SERPINB10: variants seen among roughly 807,000 people sequenced by gnomAD.
SERPINB10 encodes serpin B10.
SERPINB10 carries 35 observed loss-of-function variants against 39.1 expected under a neutral mutation model. The observed-to-expected ratio is 0.90, with a 90% CI of 0.68 to 1.19. SERPINB10 has a LOEUF of 1.19. Ranked by LOEUF, SERPINB10 falls within the 50% of genes most tolerant of loss-of-function variation. The pLI, the probability that SERPINB10 is intolerant of heterozygous loss-of-function variation, is 0.00. For synonymous variants in SERPINB10, 190 were observed against 158.1 expected (o/e 1.20, Z -1.52); for missense variants, 546 against 460.5 (o/e 1.19, Z -1.70).
rs748337195 is a variant in SERPINB10 at position 63,919,879 on chromosome 18, A to G, written c.464A>G (p.Asn155Ser). The G allele has an allele frequency of 1.9e-6, 3 of 1,609,650 alleles. No homozygotes were observed. In the South Asian group the frequency reaches 3.3e-5, roughly 18 times the overall value. ...EASDQIRKDI[N>S]SWVERQTEGK... The stretch of plus-strand genomic sequence containing the variant: ...TCTGATCAAATCAGAAAGGACATCA[A>G]CTCTTGGGTTGAAAGACAGACCGAG... The change falls in exon 5 of 8, where the codon AAC becomes AGC. Residue 155 changes from asparagine to serine, a missense_variant. Physicochemically the swap from Asn to Ser is conservative, Grantham distance 46. Transcript: ENST00000238508.
At chr18:63,929,634 A>C (rs1008696200) in intron 5 of SERPINB10, among the ~76,000 whole-genome samples, 1 of 151,268 alleles carries the variant, frequency 6.6e-6, no homozygotes, top group Non-Finnish European at 1.5e-5. Context: ...AAGTTGTCCA[A>C]CCTAAATCAG....
rs754955613 is a variant in SERPINB10 at position 63,915,583 on chromosome 18, G to A, written c.73G>A (p.Gly25Ser). ...LSKKLAESAQ[G>S]KNIFFSSWSI... The stretch of plus-strand genomic sequence containing the variant: ...CAAAAAGCTAGCTGAATCTGCTCAG[G>A]GTAAAAATATCTTCTTTTCTTCCTG... The change falls in exon 2 of 8, where the codon GGT (glycine) becomes AGT (serine). Residue 25 changes from glycine (G) to serine (S), a missense_variant. Gly to Ser is a moderately conservative substitution (Grantham distance 56, BLOSUM62 0). Coordinates refer to ENST00000238508, the MANE Select transcript of SERPINB10 (RefSeq NM_005024.3). 45 of 1,612,594 alleles carry A rather than the reference G, an allele frequency of 2.8e-5. No individual in the cohort carries two copies. Among genetic ancestry groups the A allele is most frequent in the Non-Finnish European group, 3.2e-5 (38 of 1,179,224 alleles).
At chr18:63,917,045 G>GA (rs72489788) in intron 2 of SERPINB10, among the ~76,000 whole-genome samples, 39,344 of 151,282 alleles carry the variant, frequency 0.26, 5,754 homozygotes, top group African/African-American at 0.39. Context: ...CATTTAACTA[G>GA]AAAAAAAACA....
chr18:63,919,602 T>C (rs368739875), intron 4 of SERPINB10, among the ~76,000 whole-genome samples, 186 bp from the exon 5 acceptor site: 7 of 152,054 alleles, frequency 4.6e-5, no homozygotes, highest in African/African-American at 1.7e-4. Flanking sequence ...GCCAGTGCCC[T>C]GCTAAGTTTG....
intron 6 of SERPINB10, among the ~76,000 whole-genome samples, chr18:63,932,704 T>C (rs2050231833): frequency 1.3e-5 from 2 of 152,348 alleles, no homozygotes; most frequent in South Asian, 4.1e-4. Context: ...AAATACTTTC[T>C]CAAATATTTT....
intron 5 of SERPINB10, among the ~76,000 whole-genome samples, chr18:63,921,631 A>C (rs915968534): frequency 2.6e-5 from 4 of 151,852 alleles, no homozygotes; most frequent in African/African-American, 7.3e-5. Context: ...CACCCAAATT[A>C]CCTGCCTAGA....
rs762054894 is a variant in SERPINB10 at position 63,917,916 on chromosome 18, C to T, written c.235-49C>T. The stretch of plus-strand genomic sequence containing the variant: ...TTTAGCTTTAGTTTGCTAACATGTA[C>T]GTAACTCTTGTTCAACATTTTATTT... On this transcript the variant is annotated intron_variant, in intron 3 of 7. Transcript: ENST00000238508. 2.7e-5 allele frequency: 42 copies of T among 1,556,890 alleles called. No individual in the cohort carries two copies. The South Asian group carries it at 3.1e-4, about 12-fold the overall frequency.
intron 4 of SERPINB10, among the ~76,000 whole-genome samples, chr18:63,919,219 G>A (rs2050127934): frequency 6.7e-6 from 1 of 148,450 alleles, no homozygotes; most frequent in African/African-American, 2.6e-5. Flanking sequence ...AGAGGACCAG[G>A]AGGAGGTGAA....
intron 7 of SERPINB10, 106 bp downstream of exon 7, chr18:63,933,309 C>A (rs1025937101): frequency 8.0e-7 from 1 of 1,248,614 alleles, no homozygotes; most frequent in East Asian, 2.3e-5. Flanking sequence ...GAATGTTCTC[C>A]CTATTATTTA....
rs1489622046 is a variant in SERPINB10, at chr18:63,935,025, CT to C, written c.979del (p.Ser327GlnfsTer18). 1 of 1,614,100 alleles carries C rather than the reference CT, an allele frequency of 6.2e-7. No individual in the cohort carries two copies. The highest frequency in any genetic ancestry group is 8.5e-7 in the Non-Finnish European group (1 of 1,180,040). On this transcript the variant is annotated frameshift_variant, in exon 8 of 8. Transcript: ENST00000238508. LOFTEE classifies it high-confidence loss of function. Reference sequence around the variant, plus strand: ...AGCAAAGCTGATTTCTCAGGAATGTCTTCAGCAAGAAACCTATTTTTGTCCA... The same window carrying C: ...AGCAAAGCTGATTTCTCAGGAATGTCTCAGCAAGAAACCTATTTTTGTCCA... The part of the protein sequence containing the change: ...SQSKADFSGM[S>X]SARNLFLSNV...
At chr18:63,909,665 C>T (rs543133711) in intron 1 of SERPINB10, among the ~76,000 whole-genome samples, 3 of 152,010 alleles carry the variant, frequency 2.0e-5, no homozygotes, top group African/African-American at 4.8e-5. Flanking sequence ...AAACCCCAGC[C>T]TCTGAAATGG....
chr18:63,929,709 G>A (rs1187268077), intron 5 of SERPINB10, among the ~76,000 whole-genome samples: 1 of 73,524 alleles, frequency 1.4e-5, no homozygotes, highest in African/African-American at 6.0e-5. Context: ...TTTAGCTAAA[G>A]TGCAAAAAAA....
Position 63,934,728 on chromosome 18 carries a change from C to T in SERPINB10, c.790-110C>T, listed in dbSNP as rs141743052. 49 of 1,093,704 alleles carry T rather than the reference C, an allele frequency of 4.5e-5. No individual in the cohort carries two copies. In the East Asian group the frequency reaches 6.9e-4, roughly 15 times the overall value. The allele number at this position is 1,093,704 out of a possible 1,614,324, so 67.7% of individuals were successfully genotyped here. On this transcript the variant is annotated intron_variant, in intron 7 of 7. Transcript: ENST00000238508. ...GTGTGTGTGTTGTCACCCTGAGTAA[C>T]GGGAGTGATCATAATTCACCTATGT...
chr18:63,910,677 G>C (rs2050057920), intron 1 of SERPINB10, among the ~76,000 whole-genome samples: 1 of 151,832 alleles, frequency 6.6e-6, no homozygotes. Flanking sequence ...TATGTACCAG[G>C]TATTCCTTAT....
At chr18:63,928,845 C>T (rs62097498) in intron 5 of SERPINB10, among the ~76,000 whole-genome samples, 17 of 111,890 alleles carry the variant, frequency 1.5e-4, no homozygotes, top group East Asian at 5.4e-4. Context: ...GGCTCTCTGT[C>T]TGTTGTTGGT....
chr18:63,925,323 C>T (rs1395413753), intron 5 of SERPINB10, among the ~76,000 whole-genome samples: 1 of 151,922 alleles, frequency 6.6e-6, no homozygotes, highest in Non-Finnish European at 1.5e-5. Context: ...GCAATGACAT[C>T]CCAATAGTAA....
intron 7 of SERPINB10, among the ~76,000 whole-genome samples, chr18:63,934,507 T>C (rs1401301814): frequency 6.6e-6 from 1 of 152,192 alleles, no homozygotes. Context: ...TGAACTAGAG[T>C]ATATGCTTTT....
At chr18:63,914,021 C>A (rs1259418663) in intron 1 of SERPINB10, among the ~76,000 whole-genome samples, 1 of 151,864 alleles carries the variant, frequency 6.6e-6, no homozygotes, top group African/African-American at 2.4e-5. Flanking sequence ...TATATAATAC[C>A]CTTCTTTGTC....
intron 7 of SERPINB10, among the ~76,000 whole-genome samples, chr18:63,934,016 T>C (rs2050242985): frequency 6.6e-6 from 1 of 152,146 alleles, no homozygotes; most frequent in Admixed American, 6.5e-5. Flanking sequence ...CAAATAACCA[T>C]CAGAGTCAAG....
Sources: gnomAD v4.1 joint callset for allele counts (sites outside exome capture counted in the v4.1 genomes callset) on GRCh38, gnomAD v4.1.1 for gene constraint, MANE v1.5 for transcripts, NCBI Gene and HGNC (gene_info 2026-07-23, HGNC 2026-07-21) for gene names.